PTPRN2: variants seen among roughly 807,000 people sequenced by gnomAD.
PTPRN2 encodes receptor-type tyrosine-protein phosphatase N2.
PTPRN2 carries 74 observed loss-of-function variants against 118.8 expected under a neutral mutation model. That is an observed-to-expected ratio of 0.62 (90% CI 0.52 to 0.76). The LOEUF is 0.76. Ranked by LOEUF, PTPRN2 falls within the 30% of genes least tolerant of loss-of-function variation. The pLI is 0.00. For missense variants in PTPRN2, 1,481 were observed against 1,394.4 expected, an observed-to-expected ratio of 1.06 and a Z score of -0.99; for synonymous variants, 641 against 608.0, an observed-to-expected ratio of 1.05 and a Z score of -0.80.
At position 158,017,181 on chromosome 7, in the gene PTPRN2, C is replaced by T. The variant is rs999201962; in HGVS notation, c.1723+64117G>A. ...ATAGCAAGGTGCATTTGCAAATGAA[C>T]GCCAGCACATGCTGACAAGAGTGGC... On this transcript the variant is annotated intron_variant, in intron 11 of 22. Transcript: ENST00000389418. 5.9e-5 allele frequency among the ~76,000 whole-genome samples: 9 copies of T among 152,196 alleles called. No individual in the cohort carries two copies. In the South Asian group the frequency reaches 8.3e-4, roughly 14 times the overall value.
At chr7:158,409,142 G>C (rs185673299) in intron 2 of PTPRN2, among the ~76,000 whole-genome samples, 1 of 152,152 alleles carries the variant, frequency 6.6e-6, no homozygotes, top group Non-Finnish European at 1.5e-5. Flanking sequence ...CTTGGTTTAC[G>C]TTAATGAGTA....
At chr7:158,005,126 G>A (rs1349633356) in intron 11 of PTPRN2, among the ~76,000 whole-genome samples, 2 of 151,220 alleles carry the variant, frequency 1.3e-5, no homozygotes, top group South Asian at 2.1e-4. Context: ...CCAGGCTGGA[G>A]TGCAATGGTG....
intron 3 of PTPRN2, among the ~76,000 whole-genome samples, chr7:158,286,126 T>C (rs1799753831): frequency 6.6e-6 from 1 of 152,214 alleles, no homozygotes; most frequent in South Asian, 2.1e-4. Flanking sequence ...CTACTATAAA[T>C]GGGATTATTA....
rs935849598 is a variant in PTPRN2, at chr7:157,715,710, C to T, written c.1789-32773G>A. Reference sequence around the variant, plus strand: ...GCGCCAGACTGCCAAGAGAAAACGGCGGTCTCCGCCGTCCAAGCAGCACAT... The same window carrying T: ...GCGCCAGACTGCCAAGAGAAAACGGTGGTCTCCGCCGTCCAAGCAGCACAT... On this transcript the variant is annotated intron_variant, in intron 12 of 22. Coordinates refer to ENST00000389418, the MANE Select transcript of PTPRN2 (RefSeq NM_002847.5). Among the ~76,000 whole-genome samples the T allele has an allele frequency of 5.9e-5, 9 of 152,340 alleles. No individual in the cohort carries two copies. The East Asian group carries it at 9.7e-4, about 16-fold the overall frequency.
chr7:158,462,573 G>A (rs1042562518), intron 2 of PTPRN2, among the ~76,000 whole-genome samples: 11 of 152,336 alleles, frequency 7.2e-5, no homozygotes, highest in Admixed American at 3.3e-4. Flanking sequence ...TAGCTTTCCT[G>A]AGGATGACAA....
rs552839583 is a variant in PTPRN2, at chr7:158,512,559, G to A, written c.113-22774C>T. Among the ~76,000 whole-genome samples the A allele has an allele frequency of 4.6e-5, 7 of 152,104 alleles. No individual in the cohort carries two copies. The South Asian group carries it at 1.5e-3, about 32-fold the overall frequency. On this transcript the variant is annotated intron_variant, in intron 1 of 22. Coordinates refer to ENST00000389418, the MANE Select transcript of PTPRN2 (RefSeq NM_002847.5). Reference sequence around the variant, plus strand: ...ATGCACACACTCACACACATGCATAGTCACACACACACACACACATCTTCT... The same window carrying A: ...ATGCACACACTCACACACATGCATAATCACACACACACACACACATCTTCT...
At position 157,611,972 on chromosome 7, in the gene PTPRN2, A is replaced by T. The variant is rs1802374168; in HGVS notation, c.2345-7897T>A. 2.0e-5 allele frequency among the ~76,000 whole-genome samples: 3 copies of T among 152,060 alleles called. No homozygotes were observed. Among genetic ancestry groups the T allele is most frequent in the Admixed American group, 2.0e-4 (3 of 15,288 alleles). ...GTGCTGAGGAGCGAGGCCTCCAGAG[A>T]AGCCAGCCCTGCTGACACCCTGACC... On this transcript the variant is annotated intron_variant, in intron 15 of 22. Coordinates refer to ENST00000389418, the MANE Select transcript of PTPRN2 (RefSeq NM_002847.5). This position sits in a 1 kb window ranked among gnomAD's most constrained non-coding sequence, Gnocchi z 5.9.
chr7:158,246,785 G>A (rs1409484576), intron 3 of PTPRN2, among the ~76,000 whole-genome samples: 1 of 152,004 alleles, frequency 6.6e-6, no homozygotes, highest in African/African-American at 2.4e-5. Flanking sequence ...CCAGGCGTGT[G>A]CTTCCCATGG....
intron 1 of PTPRN2, among the ~76,000 whole-genome samples, chr7:158,583,317 T>A (rs1331022062): frequency 6.6e-6 from 1 of 152,192 alleles, no homozygotes; most frequent in African/African-American, 2.4e-5. Flanking sequence ...CCGTGTACCC[T>A]GTGTCGATAG....
intron 10 of PTPRN2, among the ~76,000 whole-genome samples, chr7:158,096,596 T>G (rs1005769425): frequency 1.3e-5 from 2 of 152,246 alleles, no homozygotes; most frequent in Admixed American, 1.3e-4. Context: ...TTCCTTGACA[T>G]TCCTTATTTC....
intron 12 of PTPRN2, among the ~76,000 whole-genome samples, chr7:157,775,363 G>A (rs916544929): frequency 2.6e-5 from 4 of 152,194 alleles, no homozygotes; most frequent in Admixed American, 2.6e-4. Context: ...GCTGGGTCTG[G>A]GCAGTCCCTA....
chr7:157,804,444 C>T (rs1805503501), intron 12 of PTPRN2, among the ~76,000 whole-genome samples: 1 of 152,214 alleles, frequency 6.6e-6, no homozygotes, highest in South Asian at 2.1e-4. Context: ...AGTGTCTGTG[C>T]ACGGAGCTTC....
chr7:158,196,439 C>T (rs1357559723), intron 4 of PTPRN2, among the ~76,000 whole-genome samples: 1 of 152,220 alleles, frequency 6.6e-6, no homozygotes, highest in Non-Finnish European at 1.5e-5. Context: ...CTGCCTCACC[C>T]ACGTTTATAC....
chr7:157,943,702 C>T (rs536677885), intron 11 of PTPRN2, among the ~76,000 whole-genome samples: 42 of 151,900 alleles, frequency 2.8e-4, no homozygotes, highest in African/African-American at 9.4e-4. Flanking sequence ...CTCCCAGAGG[C>T]CAAGCGCTCC....
Position 158,574,600 on chromosome 7 carries a change from G to C in PTPRN2, c.112+12958C>G, listed in dbSNP as rs901522556. Among the ~76,000 whole-genome samples the C allele has an allele frequency of 6.6e-6, 1 of 152,216 alleles. No homozygotes were observed. Among genetic ancestry groups the C allele is most frequent in the African/African-American group, 2.4e-5 (1 of 41,462 alleles). Reference sequence around the variant, plus strand: ...CTAAGGTTAGATGTGGGGCAGCTCTGGCAGAAGAGTGATAGGATCAGATTT... The same window carrying C: ...CTAAGGTTAGATGTGGGGCAGCTCTCGCAGAAGAGTGATAGGATCAGATTT... On this transcript the variant is annotated intron_variant, in intron 1 of 22. Transcript: ENST00000389418. The surrounding 1 kb of genome is among the most constrained non-coding windows in gnomAD (Gnocchi z 4.6).
At chr7:158,323,679 A>G (rs898898506) in intron 2 of PTPRN2, among the ~76,000 whole-genome samples, 2 of 152,212 alleles carry the variant, frequency 1.3e-5, no homozygotes, top group African/African-American at 4.8e-5. Context: ...AGTGGTCCTT[A>G]GAGCACTGTT....
chr7:158,344,743 T>A (rs1240963298), intron 2 of PTPRN2, among the ~76,000 whole-genome samples: 1 of 151,910 alleles, frequency 6.6e-6, no homozygotes, highest in Non-Finnish European at 1.5e-5. Context: ...CGGTGCACGA[T>A]TTGCAATGTG....
intron 2 of PTPRN2, among the ~76,000 whole-genome samples, chr7:158,449,897 C>T (rs1036441159): frequency 2.6e-5 from 4 of 152,218 alleles, no homozygotes; most frequent in African/African-American, 7.2e-5. Flanking sequence ...CAACACAAAA[C>T]GTTGCTGTAG....
intron 5 of PTPRN2, among the ~76,000 whole-genome samples, chr7:158,179,136 T>C (rs1422046775): frequency 6.6e-6 from 1 of 152,222 alleles, no homozygotes; most frequent in African/African-American, 2.4e-5. Flanking sequence ...TGGATAAGTG[T>C]TCCCTTTTCA....
Sources: gnomAD v4.1 joint callset for allele counts (sites outside exome capture counted in the v4.1 genomes callset) on GRCh38, gnomAD v4.1.1 for gene constraint, Gnocchi (gnomAD v3.1) non-coding constraint, MANE v1.5 for transcripts, NCBI Gene and HGNC (gene_info 2026-07-23, HGNC 2026-07-21) for gene names.